The following PFKFB1 variants were observed in gnomAD, a reference collection of about 807,000 sequenced individuals.
PFKFB1 encodes the protein 6-phosphofructo-2-kinase/fructose-2,6-biphosphatase 1, also known as 6-phosphofructo-2-kinase/fructose-2,6-bisphosphatase 1.
A neutral mutation model predicts 46.4 loss-of-function variants in PFKFB1; 34 were observed. The observed-to-expected ratio is 0.73, with a 90% CI of 0.56 to 0.98. PFKFB1 has a LOEUF of 0.98. PFKFB1 is among the 50% of genes least tolerant of loss of function. The pLI is 0.00. For synonymous variants in PFKFB1, 119 were observed against 133.8 expected (o/e 0.89, Z 0.76); for missense variants, 393 against 376.3 (o/e 1.04, Z -0.37).
chrX:54,945,615 G>T, intron 9 of PFKFB1, 72 bp from the exon 10 acceptor site: 1 of 678,613 alleles, frequency 1.5e-6, no homozygotes, highest in Non-Finnish European at 2.3e-6. Flanking sequence ...ATAATTCTTC[G>T]ATGATTGTGA....
In PFKFB1 at chrX:54,951,945, C is replaced by T. The variant is rs376959812; in HGVS notation, c.806G>A (p.Arg269His). The T allele has an allele frequency of 3.4e-4, 411 of 1,205,908 alleles. No individual in the cohort carries two copies. The highest frequency in any genetic ancestry group is 4.3e-4 in the Non-Finnish European group (385 of 892,670). ...TGAGAGGCCAGAGTCACCTCCGATG[C>T]GGCCTCTGATGTTGAGTTCACTCTC... Reference protein sequence around the residue: ...HGESELNIRGRIGGDSGLSVR... With the variant: ...HGESELNIRGHIGGDSGLSVR... Residue 269 changes from arginine to histidine, a missense_variant, in exon 8 of 14, where the codon CGC becomes CAC. Transcript: ENST00000375006.
intron 6 of PFKFB1, among the ~76,000 whole-genome samples, chrX:54,957,649 A>T (rs920866040): frequency 5.4e-5 from 6 of 111,431 alleles, no homozygotes; most frequent in African/African-American, 2.0e-4. Context: ...GCTTGACTGG[A>T]CCGCATTTGT....
chrX:54,948,974 T>C (rs1933882001), intron 9 of PFKFB1, 101 bp downstream of exon 9: 20 of 953,397 alleles, frequency 2.1e-5, no homozygotes, highest in Middle Eastern at 3.1e-4. Context: ...GTTTGTTGAA[T>C]TAATTAGGCT....
rs1435695728 is a variant in PFKFB1, at chrX:54,949,144, C to T, written c.924G>A (p.Arg308=). ...CCAGGGCCTCAGCTGTCTGGATGGT[C>T]CTCTTCATGTGACTGGTCCACACCT... ...SLKVWTSHMK[R]TIQTAEALGV... Residue 308 remains arginine, a synonymous_variant, in exon 9 of 14, where the codon AGG becomes AGA. Transcript: ENST00000375006. 1.7e-6 allele frequency: 2 copies of T among 1,210,683 alleles called. No homozygotes were observed. Among genetic ancestry groups the T allele is most frequent in the East Asian group, 5.9e-5 (2 of 33,790 alleles).
chrX:54,953,106 G>A (rs921132293), intron 7 of PFKFB1, among the ~76,000 whole-genome samples: 2 of 112,023 alleles, frequency 1.8e-5, no homozygotes, highest in Non-Finnish European at 3.8e-5. Flanking sequence ...AGACTTCTGA[G>A]GCCTACGCTG....
chrX:54,981,267 G>C (rs752737286), intron 1 of PFKFB1, among the ~76,000 whole-genome samples: 4 of 110,546 alleles, frequency 3.6e-5, no homozygotes, highest in Non-Finnish European at 5.7e-5. Context: ...AAAAAAACAA[G>C]CAACATTTAG....
At chrX:54,951,557 T>C (rs756352061) in intron 8 of PFKFB1, among the ~76,000 whole-genome samples, 6 of 111,794 alleles carry the variant, frequency 5.4e-5, no homozygotes, top group Non-Finnish European at 9.4e-5. Flanking sequence ...CAGAAGAGGG[T>C]AGACCAGGTG....
intron 10 of PFKFB1, among the ~76,000 whole-genome samples, chrX:54,940,428 A>C (rs1933579959): frequency 4.5e-5 from 5 of 111,847 alleles, no homozygotes; most frequent in Non-Finnish European, 7.5e-5. Flanking sequence ...AGGGCATTCA[A>C]TTAGGAAAAG....
At chrX:54,949,455 A>C (rs865827914) in intron 8 of PFKFB1, among the ~76,000 whole-genome samples, 7 of 98,414 alleles carry the variant, frequency 7.1e-5, no homozygotes, top group South Asian at 4.4e-4. Flanking sequence ...AGAGAGAGAG[A>C]GCGCTTATTT....
chrX:54,963,289 C>T lies in PFKFB1; in HGVS notation c.191G>A (p.Arg64Gln). Residue 64 changes from arginine to glutamine, a missense_variant, in exon 2 of 14, where the codon CGA (arginine) becomes CAA (glutamine). Transcript: ENST00000375006. ...GKTYISTKLT[R>Q]YLNWIGTPTK... Reference sequence around the variant, plus strand: ...TGGTGTTCCTATCCAGTTGAGATATCGTGTGAGCTTTGTGGAGATATAGGT... The same window carrying T: ...TGGTGTTCCTATCCAGTTGAGATATTGTGTGAGCTTTGTGGAGATATAGGT... The T allele has an allele frequency of 2.5e-6, 3 of 1,209,210 alleles. No homozygotes were observed. Among genetic ancestry groups the T allele is most frequent in the Non-Finnish European group, 3.4e-6 (3 of 893,609 alleles).
rs1933778513 is a variant in PFKFB1 at position 54,945,513 on chromosome X, T to C, written c.1024A>G (p.Ile342Val). The change falls in exon 10 of 14, where the codon ATC (isoleucine) becomes GTC (valine). Residue 342 changes from isoleucine (I) to valine (V), a missense_variant. Coordinates refer to ENST00000375006, the MANE Select transcript of PFKFB1 (RefSeq NM_002625.4). ...GVCEEMTYEE[I>V]QEHYPEEFAL... The stretch of plus-strand genomic sequence containing the variant: ...AATTCTTCAGGGTAATGTTCCTGGA[T>C]TTCTTCATAGGTCATCTCCTCACAG... 8.4e-7 allele frequency: 1 copy of C among 1,194,966 alleles called. No individual in the cohort carries two copies.
rs1019805029 is a variant in PFKFB1, at chrX:54,960,929, G to A, written c.224-12C>T. 3 of 1,115,583 alleles carry A rather than the reference G, an allele frequency of 2.7e-6. No individual in the cohort carries two copies. The highest frequency in any genetic ancestry group is 3.6e-5 in the African/African-American group (2 of 55,328). 91.9% of individuals were successfully genotyped at this position (1,115,583 alleles called of 1,213,427 possible). A position where few individuals can be genotyped will look rare whatever the true frequency, so the allele number is the denominator to read the frequency against. On this transcript the variant is annotated splice_polypyrimidine_tract_variant and intron_variant, in intron 2 of 13. Coordinates refer to ENST00000375006, the MANE Select transcript of PFKFB1 (RefSeq NM_002625.4). Reference sequence around the variant, plus strand: ...GCCTAAATTAAACACTGAAAGCAGGGAGTGCCAGTGAAGAGGTTGGGAAGA... The same window carrying A: ...GCCTAAATTAAACACTGAAAGCAGGAAGTGCCAGTGAAGAGGTTGGGAAGA...
At chrX:54,963,481 C>T in intron 1 of PFKFB1, 99 bp from the exon 2 acceptor site, 2 of 890,703 alleles carry the variant, frequency 2.2e-6, no homozygotes, top group Non-Finnish European at 3.1e-6. Flanking sequence ...TGTCTCCCAC[C>T]ATTACAGTAA....
intron 1 of PFKFB1, among the ~76,000 whole-genome samples, chrX:54,963,762 T>C (rs762381677): frequency 2.7e-5 from 3 of 112,648 alleles, no homozygotes; most frequent in African/African-American, 9.7e-5. Context: ...TTGCACCCCT[T>C]TGCAGAGTTT....
chrX:54,998,644 C>T, upstream of PFKFB1: 1 of 412,818 alleles, frequency 2.4e-6, no homozygotes, highest in Non-Finnish European at 4.2e-6. Flanking sequence ...AGCCTTTTCT[C>T]TTCAGTCCAA....
intron 10 of PFKFB1, 150 bp downstream of exon 10, chrX:54,945,289 C>A: frequency 2.6e-6 from 1 of 379,468 alleles, no homozygotes; most frequent in Non-Finnish European, 4.6e-6. Context: ...CAACCAAGGG[C>A]CAGATAATCA....
In PFKFB1 at chrX:54,994,123, CA is replaced by C; in HGVS notation, c.-117del. 2 of 1,118,384 alleles carry C rather than the reference CA, an allele frequency of 1.8e-6. No homozygotes were observed. Among genetic ancestry groups the C allele is most frequent in the Admixed American group, 5.9e-5 (2 of 34,126 alleles). The allele number at this position is 1,118,384 out of a possible 1,213,427, so 92.2% of individuals were successfully genotyped here. On this transcript the variant is annotated 5_prime_UTR_variant, in exon 1 of 14. Transcript: ENST00000375006. ...CAGCAGCAGGTGGACAGGGCTGGGA[CA>C]GGGGGTGTACTGGGTTTCTGAGCCC...
chrX:54,956,643 G>C (rs1259413432), intron 6 of PFKFB1, among the ~76,000 whole-genome samples: 1 of 110,953 alleles, frequency 9.0e-6, no homozygotes, highest in Non-Finnish European at 1.9e-5. Context: ...AGTGTTTACC[G>C]GGAGATTATG....
chrX:54,969,033 G>A (rs759693311), intron 1 of PFKFB1, among the ~76,000 whole-genome samples: 4 of 111,564 alleles, frequency 3.6e-5, no homozygotes, highest in South Asian at 7.5e-4. Context: ...AAGAAAGCAC[G>A]GTTTTTCCCA....
Sources: gnomAD v4.1 joint callset for allele counts (sites outside exome capture counted in the v4.1 genomes callset) on GRCh38, gnomAD v4.1.1 for gene constraint, MANE v1.5 for transcripts, NCBI Gene and HGNC (gene_info 2026-07-23, HGNC 2026-07-21) for gene names.